Variants in CDH3 observed in about 807,000 individuals in gnomAD.
The protein encoded by CDH3 is cadherin 3, also known as cadherin-3.
CDH3 carries 54 observed loss-of-function variants against 82.0 expected under a neutral mutation model. The observed-to-expected ratio is 0.66, with a 90% CI of 0.53 to 0.83. The LOEUF (loss-of-function observed/expected upper bound fraction) is 0.83, where lower values mean the gene tolerates loss of function less well. Among genes scored for constraint, CDH3 ranks in the 40% least tolerant of loss-of-function variants. The pLI is 0.00. For synonymous variants in CDH3, 446 were observed against 437.9 expected (o/e 1.02, Z -0.23); for missense variants, 1,054 against 1,084.6 (o/e 0.97, Z 0.40).
Position 68,659,840 on chromosome 16 carries a change from C to CATACAGG in CDH3, c.160+14092_160+14098dup, listed in dbSNP as rs1960512769. Among the ~76,000 whole-genome samples, 3 of 147,806 alleles carry CATACAGG rather than the reference C, an allele frequency of 2.0e-5. No homozygotes were observed. The South Asian group carries it at 6.3e-4, about 31-fold the overall frequency. On this transcript the variant is annotated intron_variant, in intron 2 of 15. Coordinates refer to ENST00000264012, the MANE Select transcript of CDH3 (RefSeq NM_001793.6). ...TTTTTGCACAAAAAACTTATGTATG[C>CATACAGG]ATACAGGAATTTTAAAAACAAGAAT...
chr16:68,705,727 A>T (rs1961952987), intron 1 of CDH3, among the ~76,000 whole-genome samples: 1 of 150,490 alleles, frequency 6.6e-6, no homozygotes, highest in Admixed American at 6.6e-5. Flanking sequence ...CAGCCCCAAG[A>T]CACTGTTCTT....
At chr16:68,725,458 G>C (rs949447373) in intron 2 of CDH3, among the ~76,000 whole-genome samples, 5 of 151,488 alleles carry the variant, frequency 3.3e-5, no homozygotes, top group Admixed American at 6.6e-5. Flanking sequence ...CTCAGTCTCC[G>C]GAGTAGCTGG....
chr16:68,649,456 T>C (rs567022245), intron 2 of CDH3, among the ~76,000 whole-genome samples: 1 of 152,334 alleles, frequency 6.6e-6, no homozygotes, highest in African/African-American at 2.4e-5. Flanking sequence ...ATATTTCGCA[T>C]CTGCATAGAT....
chr16:68,679,714 A>AAG lies in CDH3; in HGVS notation c.692-84_692-83insGA, dbSNP rs1250181329. The AAG allele has an allele frequency of 6.7e-5, 54 of 806,120 alleles. No homozygotes were observed. In the African/African-American group the frequency reaches 8.1e-4, roughly 12 times the overall value. The allele number at this position is 806,120 out of a possible 1,614,324, so 49.9% of individuals were successfully genotyped here. ...CATCTCAAAAAAAAAAAAAAAAAAAAAAAAGAAAAGAAAAAAAGAGTTCCA... is the reference window on the plus strand; with the variant it reads ...CATCTCAAAAAAAAAAAAAAAAAAAAAGAAAAGAAAAGAAAAAAAGAGTTCCA... On this transcript the variant is annotated intron_variant, in intron 6 of 15. Coordinates refer to ENST00000264012, the MANE Select transcript of CDH3 (RefSeq NM_001793.6).
chr16:68,727,150 T>C (rs1457559153), intron 2 of CDH3, among the ~76,000 whole-genome samples: 1 of 152,206 alleles, frequency 6.6e-6, no homozygotes, highest in African/African-American at 2.4e-5. Flanking sequence ...TCTCTTCTTC[T>C]AGAGCTGGGA....
intron 2 of CDH3, among the ~76,000 whole-genome samples, chr16:68,667,823 G>A (rs1291008192): frequency 6.6e-6 from 1 of 152,194 alleles, no homozygotes; most frequent in Non-Finnish European, 1.5e-5. Flanking sequence ...ATAGGCCAGA[G>A]ACTCCTGGTT....
At chr16:68,655,373 C>G (rs1466113326) in intron 2 of CDH3, among the ~76,000 whole-genome samples, 1 of 152,202 alleles carries the variant, frequency 6.6e-6, no homozygotes, top group Non-Finnish European at 1.5e-5. Context: ...AGTAAGGCCA[C>G]AGCTCCTAAC....
chr16:68,708,452 C>T (rs1298197272), intron 1 of CDH3, among the ~76,000 whole-genome samples: 1 of 152,174 alleles, frequency 6.6e-6, no homozygotes, highest in Non-Finnish European at 1.5e-5. Context: ...TTGCTGTGCC[C>T]TCTGCCTGGC....
intron 1 of CDH3, 50 bp downstream of exon 1, chr16:68,645,474 C>T (rs1249087498): frequency 2.5e-6 from 4 of 1,594,336 alleles, no homozygotes; most frequent in Non-Finnish European, 2.6e-6. Flanking sequence ...CCCTGGGGGG[C>T]GGGCGGGGTC....
chr16:68,687,565 A>G lies in CDH3; in HGVS notation c.1624A>G (p.Asn542Asp), dbSNP rs370789809. 128 of 1,613,982 alleles carry G rather than the reference A, an allele frequency of 7.9e-5. No individual in the cohort carries two copies. The highest frequency in any genetic ancestry group is 1.0e-4 in the Non-Finnish European group (123 of 1,180,034). Residue 542 changes from asparagine to aspartate, a missense_variant, in exon 12 of 16, where the codon AAT (asparagine) becomes GAT (aspartate). Coordinates refer to ENST00000264012, the MANE Select transcript of CDH3 (RefSeq NM_001793.6). The part of the protein sequence containing the change: ...GTLLLTLIDV[N>D]DHGPVPEPRQ... ...CCTTCTGCTAACACTGATTGATGTC[A>G]ATGACCATGGCCCAGTCCCTGAGCC...
intron 1 of CDH3, among the ~76,000 whole-genome samples, chr16:68,712,045 T>C (rs1278188440): frequency 2.0e-5 from 3 of 146,606 alleles, no homozygotes; most frequent in Non-Finnish European, 3.0e-5. Flanking sequence ...TTCTTTTTTT[T>C]TTTTTTTTTT....
At position 68,685,283 on chromosome 16, in the gene CDH3, C is replaced by T. The variant is rs757480854; in HGVS notation, c.1503C>T (p.Leu501=). The change falls in exon 11 of 16, where the codon CTC becomes CTT. Residue 501 remains leucine, a synonymous_variant. Coordinates refer to ENST00000264012, the MANE Select transcript of CDH3 (RefSeq NM_001793.6). ...DSGQVTAVGT[L]DREDEQFVRN... Reference sequence around the variant, plus strand: ...GGCAGGTCACAGCTGTGGGCACCCTCGACCGTGAGGATGAGCAGTTTGTGA... The same window carrying T: ...GGCAGGTCACAGCTGTGGGCACCCTTGACCGTGAGGATGAGCAGTTTGTGA... 1.6e-5 allele frequency: 26 copies of T among 1,614,116 alleles called. No homozygotes were observed. The East Asian group carries it at 4.0e-4, about 25-fold the overall frequency.
chr16:68,723,378 A>G (rs1340221564), intron 2 of CDH3, among the ~76,000 whole-genome samples: 1 of 152,140 alleles, frequency 6.6e-6, no homozygotes, highest in Non-Finnish European at 1.5e-5. Flanking sequence ...AAACAGCATC[A>G]TGATTCCGTA....
At chr16:68,705,594 G>A (rs532894879) in intron 1 of CDH3, among the ~76,000 whole-genome samples, 1 of 151,652 alleles carries the variant, frequency 6.6e-6, no homozygotes, top group African/African-American at 2.4e-5. Flanking sequence ...GCTAACTTTT[G>A]TATTTTTAGT....
chr16:68,655,364 G>A (rs1474483285), intron 2 of CDH3, among the ~76,000 whole-genome samples: 5 of 152,234 alleles, frequency 3.3e-5, no homozygotes, highest in Non-Finnish European at 7.3e-5. Context: ...CAGAGGGTAA[G>A]TAAGGCCACA....
chr16:68,684,098 G>A (rs1290428722), intron 9 of CDH3, among the ~76,000 whole-genome samples: 1 of 151,682 alleles, frequency 6.6e-6, no homozygotes, highest in Non-Finnish European at 1.5e-5. Flanking sequence ...GGGTGCGGTG[G>A]CACACACCTG....
intron 12 of CDH3, among the ~76,000 whole-genome samples, chr16:68,689,767 A>T (rs1961513864): frequency 2.0e-5 from 3 of 151,826 alleles, no homozygotes; most frequent in African/African-American, 7.3e-5. Flanking sequence ...CCCTTTGACT[A>T]AGAGGAGCCC....
chr16:68,716,226 A>G (rs1962093423), intron 1 of CDH3, among the ~76,000 whole-genome samples: 1 of 151,972 alleles, frequency 6.6e-6, no homozygotes, highest in Non-Finnish European at 1.5e-5. Flanking sequence ...GAAAAAAAAA[A>G]AAAAGACTAA....
At chr16:68,668,405 C>T (rs1202433725) in intron 2 of CDH3, among the ~76,000 whole-genome samples, 3 of 152,106 alleles carry the variant, frequency 2.0e-5, no homozygotes, top group African/African-American at 7.2e-5. Flanking sequence ...GACCTGGTTT[C>T]GTATCAGTTT....
Sources: gnomAD v4.1 joint callset for allele counts (sites outside exome capture counted in the v4.1 genomes callset) on GRCh38, gnomAD v4.1.1 for gene constraint, MANE v1.5 for transcripts, NCBI Gene and HGNC (gene_info 2026-07-23, HGNC 2026-07-21) for gene names.